KIAA1217: variants seen among roughly 807,000 people sequenced by gnomAD.
The protein encoded by KIAA1217 is KIAA1217, also known as sickle tail protein homolog.
KIAA1217 carries 88 observed loss-of-function variants against 163.9 expected under a neutral mutation model. The observed-to-expected ratio is 0.54, with a 90% CI of 0.45 to 0.64. The LOEUF is 0.64. Among genes scored for constraint, KIAA1217 ranks in the 30% least tolerant of loss-of-function variants. The probability of loss-of-function intolerance (pLI) is 0.00; values close to 1 mark genes in which losing one functional copy is unlikely to be tolerated. For missense variants in KIAA1217, 2,372 were observed against 2,475.0 expected, an observed-to-expected ratio of 0.96 and a Z score of 0.88; for synonymous variants, 903 against 923.1, an observed-to-expected ratio of 0.98 and a Z score of 0.39.
intron 1 of KIAA1217, among the ~76,000 whole-genome samples, chr10:23,882,952 G>A (rs1841014503): frequency 6.6e-6 from 1 of 151,868 alleles, no homozygotes; most frequent in Non-Finnish European, 1.5e-5. Context: ...TCATTCTGGT[G>A]GGAGAGTTTA....
rs1170826213 is a variant in KIAA1217 at position 24,484,165 on chromosome 10, GTA to G, written c.1679+10116_1679+10117del. Among the ~76,000 whole-genome samples the G allele has an allele frequency of 1.7e-3, 240 of 138,498 alleles. 5 individuals carry two copies. The East Asian group carries it at 0.02, about 11-fold the overall frequency. 90.9% of individuals were successfully genotyped at this position (138,498 alleles called of 152,430 possible). On this transcript the variant is annotated intron_variant, in intron 6 of 20. Transcript: ENST00000376454. ...TATATGTATATATGTATATGTGTGTGTATATATATATAGATATACATATATAT... is the reference window on the plus strand; with the variant it reads ...TATATGTATATATGTATATGTGTGTGTATATATATAGATATACATATATAT...
In KIAA1217 at chr10:24,495,166, A is replaced by C. The variant is rs760972710; in HGVS notation, c.1804A>C (p.Thr602Pro). The change falls in exon 8 of 21, where the codon ACA (threonine) becomes CCA (proline). Residue 602 changes from threonine to proline, a missense_variant. Thr to Pro is a conservative substitution (Grantham distance 38). This residue lies in a region of KIAA1217 where 1,431 missense variants were observed against 1,470.3 expected (regional missense o/e 0.97). Coordinates refer to ENST00000376454, the MANE Select transcript of KIAA1217 (RefSeq NM_019590.5). ...DASSEKMMKTTANRNHTDSAG... is the reference protein window; with the variant it reads ...DASSEKMMKTPANRNHTDSAG... ...ATTCAGCGAGAAAATGATGAAAACC[A>C]CAGCCAACAGGAACCACACAGATAG... The C allele has an allele frequency of 2.5e-6, 4 of 1,613,366 alleles. No individual in the cohort carries two copies. The highest frequency in any genetic ancestry group is 3.4e-6 in the Non-Finnish European group (4 of 1,179,794).
chr10:23,909,244 G>C (rs1842318983), intron 1 of KIAA1217, among the ~76,000 whole-genome samples: 1 of 152,012 alleles, frequency 6.6e-6, no homozygotes, highest in Admixed American at 6.6e-5. Flanking sequence ...ACTACAAATT[G>C]GGTGCAGTGT....
At chr10:24,437,022 C>A (rs966338772) in intron 4 of KIAA1217, among the ~76,000 whole-genome samples, 7 of 152,154 alleles carry the variant, frequency 4.6e-5, no homozygotes, top group Admixed American at 3.9e-4. Flanking sequence ...CAACCCCGGC[C>A]TTTACTGTTG....
chr10:23,756,085 T>C (rs1426874778), intron 1 of KIAA1217, among the ~76,000 whole-genome samples: 1 of 151,792 alleles, frequency 6.6e-6, no homozygotes, highest in Non-Finnish European at 1.5e-5. Context: ...GCCTCCCAAG[T>C]ATCTGGGGCC....
chr10:24,361,690 G>T (rs1407033630), intron 2 of KIAA1217, among the ~76,000 whole-genome samples: 1 of 152,006 alleles, frequency 6.6e-6, no homozygotes, highest in African/African-American at 2.4e-5. Context: ...AAATAGAATG[G>T]CTGGGCCAGG....
intron 2 of KIAA1217, among the ~76,000 whole-genome samples, chr10:24,072,375 G>A (rs970087632): frequency 1.3e-5 from 2 of 152,176 alleles, no homozygotes; most frequent in Non-Finnish European, 2.9e-5. Flanking sequence ...CAGATAACTA[G>A]AGAAGCAGTA....
chr10:24,418,327 A>G (rs939340741), intron 3 of KIAA1217, among the ~76,000 whole-genome samples: 3 of 152,146 alleles, frequency 2.0e-5, no homozygotes, highest in African/African-American at 7.2e-5. Context: ...ACTTTTGTTT[A>G]CCAGAGTGGA....
At chr10:24,049,145 G>A (rs779727911) in intron 2 of KIAA1217, among the ~76,000 whole-genome samples, 56 of 151,666 alleles carry the variant, frequency 3.7e-4, no homozygotes, top group Admixed American at 1.1e-3. Flanking sequence ...TTGAAATTCA[G>A]TATATCAGGA....
At chr10:24,017,462 A>T (rs1283532143) in intron 2 of KIAA1217, among the ~76,000 whole-genome samples, 2 of 152,146 alleles carry the variant, frequency 1.3e-5, no homozygotes, top group South Asian at 2.1e-4. Flanking sequence ...TTCCACACAG[A>T]TGCCAACCTT....
intron 1 of KIAA1217, among the ~76,000 whole-genome samples, chr10:23,909,799 G>A (rs1399904022): frequency 6.6e-6 from 1 of 152,148 alleles, no homozygotes; most frequent in Admixed American, 6.5e-5. Context: ...AATCCTTTGG[G>A]TATATACCCA....
At chr10:23,944,912 A>G (rs1843943998) in intron 1 of KIAA1217, among the ~76,000 whole-genome samples, 1 of 152,106 alleles carries the variant, frequency 6.6e-6, no homozygotes, top group Non-Finnish European at 1.5e-5. Context: ...TGTAAAAATT[A>G]GCCAGACGTG....
intron 1 of KIAA1217, among the ~76,000 whole-genome samples, chr10:23,754,870 A>T (rs1472401548): frequency 1.3e-5 from 2 of 151,584 alleles, no homozygotes; most frequent in Non-Finnish European, 2.9e-5. Context: ...AGACTTGCTA[A>T]TTTTTTTCCA....
chr10:24,306,999 ATTG>A (rs2042078210), intron 2 of KIAA1217, among the ~76,000 whole-genome samples: 1 of 152,268 alleles, frequency 6.6e-6, no homozygotes, highest in Admixed American at 6.5e-5. Flanking sequence ...TCTGATTTCT[ATTG>A]TTCTCCCAGT....
chr10:23,889,929 A>G (rs940543002), intron 1 of KIAA1217, among the ~76,000 whole-genome samples: 5 of 151,856 alleles, frequency 3.3e-5, no homozygotes, highest in African/African-American at 4.8e-5. Flanking sequence ...TAAACAGAAG[A>G]CAATGTCATA....
At chr10:23,736,549 G>T (rs1008684619) in intron 1 of KIAA1217, among the ~76,000 whole-genome samples, 3 of 152,092 alleles carry the variant, frequency 2.0e-5, no homozygotes, top group Non-Finnish European at 4.4e-5. Flanking sequence ...TAGAGATGGG[G>T]TCTCGCTTTG....
rs537084295 is a variant in KIAA1217, at chr10:24,544,408, G to C, written c.5138G>C (p.Arg1713Pro). The change falls in exon 19 of 21, where the codon CGA becomes CCA. Residue 1713 changes from arginine to proline, a missense_variant. Around this residue, in one of 3 missense-constraint regions of KIAA1217, gnomAD observed 690 missense variants for 677.5 expected, o/e 1.02. Coordinates refer to ENST00000376454, the MANE Select transcript of KIAA1217 (RefSeq NM_019590.5). The part of the protein sequence containing the change: ...SSHIAQEASP[R>P]PLLVPDEGPT... The stretch of plus-strand genomic sequence containing the variant: ...CACATAGCCCAAGAGGCCTCTCCCC[G>C]ACCCTTGCTAGTTCCGGATGAAGGT... 10 of 1,613,950 alleles carry C rather than the reference G, an allele frequency of 6.2e-6. No individual in the cohort carries two copies. Among genetic ancestry groups the C allele is most frequent in the Admixed American group, 3.3e-5 (2 of 59,996 alleles).
intron 11 of KIAA1217, among the ~76,000 whole-genome samples, chr10:24,521,038 A>T (rs2071167207): frequency 6.7e-6 from 1 of 149,318 alleles, no homozygotes; most frequent in Admixed American, 6.6e-5. Context: ...AAAAAAAAAA[A>T]AAAGTTTTTT....
intron 2 of KIAA1217, among the ~76,000 whole-genome samples, chr10:24,125,939 C>T (rs551422171): frequency 6.6e-6 from 1 of 152,212 alleles, no homozygotes; most frequent in African/African-American, 2.4e-5. Context: ...TGGTAGCTAA[C>T]TTGTGTTTTG....
Sources: gnomAD v4.1 joint callset for allele counts (sites outside exome capture counted in the v4.1 genomes callset) on GRCh38, gnomAD v4.1.1 for gene constraint, gnomAD v4.1.1 regional missense constraint, MANE v1.5 for transcripts, NCBI Gene and HGNC (gene_info 2026-07-23, HGNC 2026-07-21) for gene names.